PIK3C2G: variants seen among roughly 807,000 people sequenced by gnomAD.
PIK3C2G encodes the protein phosphatidylinositol-4-phosphate 3-kinase catalytic subunit type 2 gamma.
A neutral mutation model predicts 181.1 loss-of-function variants in PIK3C2G; 168 were observed. That is an observed-to-expected ratio of 0.93 (90% CI 0.82 to 1.05). The LOEUF is 1.05. PIK3C2G is among the 50% of genes least tolerant of loss of function. The pLI is 0.00. For missense variants in PIK3C2G, 1,869 were observed against 1,732.8 expected (o/e 1.08, Z -1.40); for synonymous variants, 573 against 592.2 (o/e 0.97, Z 0.47).
rs73342981 is a variant in PIK3C2G, at chr12:18,527,038, T to C, written c.3324-11118T>C. ...AGGATGACTGAGAAGGGAAAAATGTTTGTGAGAGAGATGAAATAAAAGAAC... is the reference window on the plus strand; with the variant it reads ...AGGATGACTGAGAAGGGAAAAATGTCTGTGAGAGAGATGAAATAAAAGAAC... On this transcript the variant is annotated intron_variant, in intron 24 of 32. Coordinates refer to ENST00000538779, the MANE Select transcript of PIK3C2G (RefSeq NM_001288772.2). Among the ~76,000 whole-genome samples the C allele has an allele frequency of 6.5e-3, 983 of 152,258 alleles. 12 individuals carry two copies. The highest frequency in any genetic ancestry group is 0.023 in the African/African-American group (949 of 41,556).
intron 5 of PIK3C2G, among the ~76,000 whole-genome samples, chr12:18,299,256 C>G (rs772108654): frequency 6.6e-6 from 1 of 151,756 alleles, no homozygotes; most frequent in Non-Finnish European, 1.5e-5. Context: ...GGTCTTTTAC[C>G]CCTTTGGTTA....
downstream of PIK3C2G, among the ~76,000 whole-genome samples, chr12:18,650,327 C>CTATATATATA (rs1193529296): frequency 1.3e-5 from 1 of 79,760 alleles, no homozygotes; most frequent in African/African-American, 5.2e-5. Flanking sequence ...CTCTCTCTCT[C>CTATATATATA]TCTCTATATA....
At chr12:18,437,909 G>A (rs1565722417) in intron 18 of PIK3C2G, among the ~76,000 whole-genome samples, 1 of 151,852 alleles carries the variant, frequency 6.6e-6, no homozygotes, top group African/African-American at 2.4e-5. Context: ...TTTTATGTTA[G>A]TCATTCATTC....
the PIK3C2G span, among the ~76,000 whole-genome samples, chr12:18,673,316 G>A: frequency 6.6e-6 from 1 of 152,030 alleles, no homozygotes; most frequent in African/African-American, 2.4e-5. Flanking sequence ...TAGTATATAA[G>A]TTATTGAAAT....
chr12:18,641,061 A>G (rs1050281681), intron 32 of PIK3C2G, among the ~76,000 whole-genome samples: 3 of 152,148 alleles, frequency 2.0e-5, no homozygotes, highest in Non-Finnish European at 4.4e-5. Flanking sequence ...CCCTACATTT[A>G]TTCTCTTGAT....
Position 18,496,164 on chromosome 12 carries a change from C to A in PIK3C2G, c.2886+10C>A. 3 of 1,449,736 alleles carry A rather than the reference C, an allele frequency of 2.1e-6. 1 individual carries two copies. The highest frequency in any genetic ancestry group is 2.6e-5 in the South Asian group (2 of 77,648). 89.8% of individuals were successfully genotyped at this position (1,449,736 alleles called of 1,614,324 possible). On this transcript the variant is annotated intron_variant, in intron 21 of 32. Coordinates refer to ENST00000538779, the MANE Select transcript of PIK3C2G (RefSeq NM_001288772.2). Reference sequence around the variant, plus strand: ...CAGCATTATTTTTAAGGTATGGTAGCGCTCTTAAAACATGAATTGATTCCA... The same window carrying A: ...CAGCATTATTTTTAAGGTATGGTAGAGCTCTTAAAACATGAATTGATTCCA...
At chr12:18,352,277 T>C (rs1449538226) in intron 11 of PIK3C2G, among the ~76,000 whole-genome samples, 1 of 152,238 alleles carries the variant, frequency 6.6e-6, no homozygotes, top group Non-Finnish European at 1.5e-5. Context: ...GAAGTGAGTA[T>C]ACTTCAGTGT....
At chr12:18,672,417 G>A in the PIK3C2G span, among the ~76,000 whole-genome samples, 2 of 151,930 alleles carry the variant, frequency 1.3e-5, no homozygotes, top group Admixed American at 6.6e-5. Context: ...CTCTGATTAT[G>A]TAAGTTTCAA....
At chr12:18,416,903 T>G (rs1487387869) in intron 16 of PIK3C2G, among the ~76,000 whole-genome samples, 10 of 152,224 alleles carry the variant, frequency 6.6e-5, no homozygotes, top group African/African-American at 2.4e-4. Context: ...ATTTAAGAAA[T>G]ATGTTTCATA....
chr12:18,563,538 T>A, intron 28 of PIK3C2G, 40 bp downstream of exon 28: 1 of 1,598,254 alleles, frequency 6.3e-7, no homozygotes, highest in Non-Finnish European at 8.5e-7. Flanking sequence ...CCTTCAGTAC[T>A]TGTCCTTGAG....
At chr12:18,476,758 G>A (rs745864925) in intron 18 of PIK3C2G, among the ~76,000 whole-genome samples, 1 of 152,002 alleles carries the variant, frequency 6.6e-6, no homozygotes, top group Non-Finnish European at 1.5e-5. Flanking sequence ...AGTAATTCAG[G>A]TGAAGAAGCA....
At position 18,591,631 on chromosome 12, in the gene PIK3C2G, A is replaced by T. The variant is rs60708497; in HGVS notation, c.4012-2863A>T. On this transcript the variant is annotated intron_variant, in intron 29 of 32. Transcript: ENST00000538779. ...AGATGAGAAAGGGTGAGAGAAGAACATAGGGAAATGAGCAAGATCCCAGTC... is the reference window on the plus strand; with the variant it reads ...AGATGAGAAAGGGTGAGAGAAGAACTTAGGGAAATGAGCAAGATCCCAGTC... Among the ~76,000 whole-genome samples the T allele has an allele frequency of 3.7e-3, 559 of 152,078 alleles. 2 individuals are homozygous for T. Among genetic ancestry groups the T allele is most frequent in the African/African-American group, 0.013 (546 of 41,530 alleles).
the PIK3C2G span, among the ~76,000 whole-genome samples, chr12:18,664,899 T>C: frequency 1.3e-5 from 2 of 149,864 alleles, no homozygotes; most frequent in Non-Finnish European, 3.0e-5. Context: ...CAGTAAACTA[T>C]CACAAGGACA....
At chr12:18,305,047 CTT>C (rs1485132901) in intron 5 of PIK3C2G, among the ~76,000 whole-genome samples, 2 of 152,138 alleles carry the variant, frequency 1.3e-5, no homozygotes, top group African/African-American at 4.8e-5. Context: ...TCTTGAATGA[CTT>C]TAATTTCTTT....
At chr12:18,636,147 C>T (rs959047634) in intron 31 of PIK3C2G, among the ~76,000 whole-genome samples, 2 of 152,116 alleles carry the variant, frequency 1.3e-5, no homozygotes, top group African/African-American at 2.4e-5. Flanking sequence ...GTTGATGTAC[C>T]CCTGAGGTAG....
In PIK3C2G at chr12:18,397,386, T is replaced by C. The variant is rs181350373; in HGVS notation, c.2127-2273T>C. Among the ~76,000 whole-genome samples the C allele has an allele frequency of 3.4e-3, 514 of 152,116 alleles. 1 individual carries two copies. The highest frequency in any genetic ancestry group is 5.8e-3 in the Non-Finnish European group (394 of 67,876). ...GGCAAGCCACATTCTGAGAAAAATA[T>C]GTGCAAAACATTTATATGGCAAAAT... On this transcript the variant is annotated intron_variant, in intron 15 of 32. Transcript: ENST00000538779.
At chr12:18,650,347 A>ATATATATG (rs1349566559), downstream of PIK3C2G, among the ~76,000 whole-genome samples, 12 of 114,544 alleles carry the variant, frequency 1.0e-4, no homozygotes, top group African/African-American at 1.6e-4. Context: ...ATATATATAT[A>ATATATATG]TGTGTGTGTG....
chr12:18,428,082 T>C (rs902812707), intron 18 of PIK3C2G, among the ~76,000 whole-genome samples: 4 of 151,868 alleles, frequency 2.6e-5, no homozygotes, highest in African/African-American at 9.7e-5. Flanking sequence ...AGGGGGGAGA[T>C]TCAAAAGTGC....
At position 18,374,114 on chromosome 12, in the gene PIK3C2G, T is replaced by C. The variant is rs527429042; in HGVS notation, c.1880+2803T>C. Among the ~76,000 whole-genome samples the C allele has an allele frequency of 1.5e-4, 23 of 152,258 alleles. No homozygotes were observed. The East Asian group carries it at 3.1e-3, about 20-fold the overall frequency. ...GAGATTCTCAACCCTCATTAAATAA[T>C]AGAATTTTCTGAGGAGATTTAAAAA... On this transcript the variant is annotated intron_variant, in intron 13 of 32. Transcript: ENST00000538779.
Sources: allele counts gnomAD v4.1 joint callset (sites outside exome capture counted in the v4.1 genomes callset), GRCh38; gene constraint gnomAD v4.1.1; transcripts MANE v1.5; gene names NCBI Gene and HGNC (gene_info 2026-07-23, HGNC 2026-07-21).